Variants in HIF1A observed in about 807,000 individuals in gnomAD.
HIF1A encodes the protein hypoxia-inducible factor 1-alpha.
HIF1A carries 24 observed loss-of-function variants against 92.7 expected under a neutral mutation model. The observed-to-expected ratio is 0.26, with a 90% confidence interval of 0.19 to 0.36. The LOEUF (loss-of-function observed/expected upper bound fraction) is 0.36, where lower values mean the gene tolerates loss of function less well. Among genes scored for constraint, HIF1A ranks in the 10% least tolerant of loss-of-function variants. HIF1A has a pLI of 1.00. For missense variants in HIF1A, 799 were observed against 998.5 expected, an observed-to-expected ratio of 0.80 and a Z score of 2.69; for synonymous variants, 319 against 338.7, an observed-to-expected ratio of 0.94 and a Z score of 0.64.
chr14:61,717,854 G>A (rs1042161290), intron 1 of HIF1A, among the ~76,000 whole-genome samples: 1 of 129,974 alleles, frequency 7.7e-6, no homozygotes, highest in Non-Finnish European at 1.5e-5. Flanking sequence ...AAACCTGTCT[G>A]TACTAAAAAT....
chr14:61,726,890 T>C (rs2044512620), intron 5 of HIF1A, 72 bp downstream of exon 5: 3 of 855,230 alleles, frequency 3.5e-6, no homozygotes, highest in Non-Finnish European at 5.4e-6. Context: ...AAGATAACTT[T>C]AGAATTGTGA....
In HIF1A at chr14:61,699,458, GA is replaced by G. The variant is rs762998218; in HGVS notation, c.35+3620del. ...AGGGGGATTATTTAGTCTCTTGACTGATTTTTTTTTTTTTTCTGAAGAACTC... is the reference window on the plus strand; with the variant it reads ...AGGGGGATTATTTAGTCTCTTGACTGTTTTTTTTTTTTTTCTGAAGAACTC... On this transcript the variant is annotated intron_variant, in intron 1 of 14. Coordinates refer to ENST00000337138, the MANE Select transcript of HIF1A (RefSeq NM_001530.4). Among the ~76,000 whole-genome samples the G allele has an allele frequency of 3.7e-3, 74 of 19,938 alleles. 1 individual carries two copies. Among genetic ancestry groups the G allele is most frequent in the African/African-American group, 6.7e-3 (71 of 10,538 alleles). 13.1% of individuals were successfully genotyped at this position (19,938 alleles called of 152,430 possible). A position where few individuals can be genotyped will look rare whatever the true frequency, so the allele number is the denominator to read the frequency against.
Position 61,718,261 on chromosome 14 carries a change from T to TA in HIF1A, c.36-2120dup, listed in dbSNP as rs1291825706. ...TGAGCTTAGGCGTTCAAGACCAGCC[T>TA]AGGTAACAAAGAACGCCTGGAATGA... On this transcript the variant is annotated intron_variant, in intron 1 of 14. Transcript: ENST00000337138. 3.3e-5 allele frequency among the ~76,000 whole-genome samples: 5 copies of TA among 152,320 alleles called. No homozygotes were observed. The South Asian group carries it at 8.3e-4, about 25-fold the overall frequency.
chr14:61,700,283 T>C (rs1030229818), intron 1 of HIF1A, among the ~76,000 whole-genome samples: 3 of 152,164 alleles, frequency 2.0e-5, no homozygotes, highest in Non-Finnish European at 4.4e-5. Flanking sequence ...AGCTGAAATC[T>C]TACCCATTAA....
chr14:61,712,931 A>G (rs1473538601), intron 1 of HIF1A, among the ~76,000 whole-genome samples: 1 of 151,584 alleles, frequency 6.6e-6, no homozygotes, highest in African/African-American at 2.4e-5. Context: ...CAGTTCTACC[A>G]GAGAGGACCA....
rs992652955 is a variant in HIF1A at position 61,708,481 on chromosome 14, T to C, written c.36-11901T>C. ...AATCCATCTTGAATTAATTTTAGCA[T>C]AAGGTGTAAGGAAGGGATCCAGTTT... On this transcript the variant is annotated intron_variant, in intron 1 of 14. Transcript: ENST00000337138. Among the ~76,000 whole-genome samples, 59 of 152,352 alleles carry C rather than the reference T, an allele frequency of 3.9e-4. 1 individual carries two copies. Among genetic ancestry groups the C allele is most frequent in the African/African-American group, 1.4e-3 (58 of 41,578 alleles).
intron 6 of HIF1A, among the ~76,000 whole-genome samples, chr14:61,730,159 G>C (rs1475336954): frequency 2.0e-5 from 3 of 152,092 alleles, no homozygotes; most frequent in Admixed American, 6.6e-5. Context: ...TACTGCTTTA[G>C]ATCATGGGTT....
At chr14:61,696,125 GC>G (rs2140112412) in intron 1 of HIF1A, among the ~76,000 whole-genome samples, 1 of 152,300 alleles carries the variant, frequency 6.6e-6, no homozygotes, top group Non-Finnish European at 1.5e-5. Flanking sequence ...GCCTCGCGCC[GC>G]CCACCTACCC....
intron 1 of HIF1A, among the ~76,000 whole-genome samples, chr14:61,701,349 C>T (rs911309363): frequency 1.3e-5 from 2 of 152,012 alleles, no homozygotes; most frequent in East Asian, 1.9e-4. Context: ...GTATGTAGTT[C>T]TTCACTTGTT....
chr14:61,702,525 A>G (rs2044190200), intron 1 of HIF1A, among the ~76,000 whole-genome samples: 1 of 151,422 alleles, frequency 6.6e-6, no homozygotes, highest in African/African-American at 2.4e-5. Flanking sequence ...AGAAAGTTAA[A>G]GAATCTCCTT....
At chr14:61,727,692 A>G (rs772964584) in intron 6 of HIF1A, 37 bp downstream of exon 6, 1 of 1,387,304 alleles carries the variant, frequency 7.2e-7, no homozygotes, top group Non-Finnish European at 1.0e-6. Context: ...GAAATTTTTA[A>G]TTAGTCTACA....
chr14:61,725,527 G>A (rs1407942762), intron 4 of HIF1A, among the ~76,000 whole-genome samples: 5 of 151,806 alleles, frequency 3.3e-5, no homozygotes, highest in African/African-American at 4.8e-5. Flanking sequence ...TGATTCTCAC[G>A]CCTCAACCTC....
chr14:61,746,015 G>A (rs1408068423), intron 14 of HIF1A, among the ~76,000 whole-genome samples, 198 bp downstream of exon 14: 1 of 152,140 alleles, frequency 6.6e-6, no homozygotes, highest in Non-Finnish European at 1.5e-5. Flanking sequence ...TCTGAGGTCA[G>A]GAGTTGGAGA....
intron 1 of HIF1A, among the ~76,000 whole-genome samples, chr14:61,713,071 G>A (rs1347754018): frequency 1.3e-5 from 2 of 152,070 alleles, no homozygotes. Context: ...AAGGAGTAGA[G>A]TAAGCAAGCC....
chr14:61,726,247 G>A (rs758215244), intron 4 of HIF1A, among the ~76,000 whole-genome samples: 12 of 151,990 alleles, frequency 7.9e-5, no homozygotes, highest in Admixed American at 7.9e-4. Context: ...ACGTAAAAAT[G>A]TTATTTGTTA....
At chr14:61,714,836 C>A (rs912600627) in intron 1 of HIF1A, among the ~76,000 whole-genome samples, 1 of 152,092 alleles carries the variant, frequency 6.6e-6, no homozygotes, top group Non-Finnish European at 1.5e-5. Context: ...GAGTTCCAGA[C>A]CAGCCTGGCC....
Position 61,740,595 on chromosome 14 carries a change from GAC to G in HIF1A, c.1631_1632del (p.Thr544ArgfsTer26), listed in dbSNP as rs777024909. The part of the protein sequence containing the change: ...LELVEKLFAE[D>X]TEAKNPFSTQ... Reference sequence around the variant, plus strand: ...ATTGGTAGAAAAACTTTTTGCTGAAGACACAGAAGCAAAGAACCCATTTTCTA... The same window carrying G: ...ATTGGTAGAAAAACTTTTTGCTGAAGACAGAAGCAAAGAACCCATTTTCTA... On this transcript the variant is annotated frameshift_variant, in exon 11 of 15. Transcript: ENST00000337138. LOFTEE classifies it high-confidence loss of function. The G allele has an allele frequency of 6.2e-7, 1 of 1,609,468 alleles. No individual in the cohort carries two copies. Among genetic ancestry groups the G allele is most frequent in the Admixed American group, 1.7e-5 (1 of 58,954 alleles).
At chr14:61,740,446 C>G in intron 10 of HIF1A, 59 bp from the exon 11 acceptor site, 1 of 1,292,714 alleles carries the variant, frequency 7.7e-7, no homozygotes, top group Non-Finnish European at 1.1e-6. Flanking sequence ...AAAATTCTGA[C>G]AACTAGCAAA....
At chr14:61,713,967 T>G (rs1488949177) in intron 1 of HIF1A, among the ~76,000 whole-genome samples, 1 of 152,174 alleles carries the variant, frequency 6.6e-6, no homozygotes, top group Admixed American at 6.5e-5. Flanking sequence ...CCTCTCCCGA[T>G]AGGGTTGCAG....
Sources: allele counts gnomAD v4.1 joint callset (sites outside exome capture counted in the v4.1 genomes callset), GRCh38; gene constraint gnomAD v4.1.1; transcripts MANE v1.5; gene names NCBI Gene and HGNC (gene_info 2026-07-23, HGNC 2026-07-21).